ZFHX3: variants seen among roughly 807,000 people sequenced by gnomAD.
The protein encoded by ZFHX3 is zinc finger homeobox protein 3.
A neutral mutation model predicts 279.1 loss-of-function variants in ZFHX3; 42 were observed. The ratio of observed to expected loss-of-function variants is 0.15; its 90% confidence interval spans 0.12 to 0.19. The LOEUF (loss-of-function observed/expected upper bound fraction) is 0.19. Ranked by LOEUF, ZFHX3 falls within the 10% of genes least tolerant of loss-of-function variation. ZFHX3 has a pLI of 1.00. For missense variants in ZFHX3, 4,981 were observed against 4,754.0 expected, an observed-to-expected ratio of 1.05 and a Z score of -1.40; for synonymous variants, 2,293 against 1,957.8, an observed-to-expected ratio of 1.17 and a Z score of -4.52.
chr16:73,808,240 A>G (rs547875860), intron 1 of ZFHX3, among the ~76,000 whole-genome samples: 20 of 151,474 alleles, frequency 1.3e-4, no homozygotes, highest in Non-Finnish European at 2.5e-4. Context: ...TCAAAATAAA[A>G]CAACTTCTTT....
chr16:72,933,545 G>A (rs937815134), intron 3 of ZFHX3, among the ~76,000 whole-genome samples: 1 of 151,948 alleles, frequency 6.6e-6, no homozygotes, highest in Non-Finnish European at 1.5e-5. Flanking sequence ...ATGCTTTGCT[G>A]TCTATTTTAC....
At chr16:73,533,091 G>A (rs528043773) in intron 2 of ZFHX3, among the ~76,000 whole-genome samples, 2 of 152,022 alleles carry the variant, frequency 1.3e-5, no homozygotes, top group Non-Finnish European at 2.9e-5. Flanking sequence ...TCTCAAATGC[G>A]CTGTTACGCT....
At chr16:73,890,223 G>A (rs2030484491) in intron 1 of ZFHX3, among the ~76,000 whole-genome samples, 1 of 130,546 alleles carries the variant, frequency 7.7e-6, no homozygotes. Context: ...GTAATTGTAA[G>A]AGTGTAAAAA....
At chr16:73,739,655 T>C (rs562207178) in intron 1 of ZFHX3, among the ~76,000 whole-genome samples, 3 of 152,132 alleles carry the variant, frequency 2.0e-5, no homozygotes, top group African/African-American at 4.8e-5. Context: ...CTTCTGTCTA[T>C]TGACTATCAG....
At chr16:73,768,103 C>A (rs1417262989) in intron 1 of ZFHX3, among the ~76,000 whole-genome samples, 1 of 152,156 alleles carries the variant, frequency 6.6e-6, no homozygotes, top group African/African-American at 2.4e-5. Context: ...CAACCCTTGG[C>A]CACTTACTGT....
At chr16:72,964,929 G>A (rs1961760350) in intron 1 of ZFHX3, among the ~76,000 whole-genome samples, 1 of 152,162 alleles carries the variant, frequency 6.6e-6, no homozygotes, top group Non-Finnish European at 1.5e-5. Flanking sequence ...CCAGGCTGGA[G>A]TGCAGTGGTG....
At chr16:72,892,607 A>C (rs2038801022) in intron 3 of ZFHX3, among the ~76,000 whole-genome samples, 1 of 151,526 alleles carries the variant, frequency 6.6e-6, no homozygotes, top group Non-Finnish European at 1.5e-5. Flanking sequence ...TCCTGGATTC[A>C]AGCAATTCTC....
intron 1 of ZFHX3, among the ~76,000 whole-genome samples, chr16:73,890,429 C>G (rs773842322): frequency 6.6e-6 from 1 of 152,036 alleles, no homozygotes; most frequent in Non-Finnish European, 1.5e-5. Flanking sequence ...CAATCATTCT[C>G]GTTTGGTTTT....
chr16:72,806,862 G>C (rs2036282827), intron 7 of ZFHX3: 1 of 152,164 alleles, frequency 6.6e-6, no homozygotes, highest in Non-Finnish European at 1.5e-5. Flanking sequence ...GGCTACAGAA[G>C]GTGTTCCTAA....
intron 3 of ZFHX3, among the ~76,000 whole-genome samples, chr16:73,366,983 G>T (rs1293092960): frequency 2.0e-5 from 3 of 152,072 alleles, no homozygotes; most frequent in African/African-American, 7.2e-5. Context: ...TGCGGGCCCA[G>T]GACTTTGCTC....
intron 1 of ZFHX3, among the ~76,000 whole-genome samples, chr16:73,010,024 G>GA (rs10709712): frequency 0.049 from 4,132 of 84,630 alleles, 286 homozygotes; most frequent in East Asian, 0.37. Context: ...CCCTCTCAAA[G>GA]AAAAAAAAAA....
chr16:72,843,903 G>GTA (rs2037412211), intron 4 of ZFHX3, among the ~76,000 whole-genome samples: 2 of 152,076 alleles, frequency 1.3e-5, no homozygotes, highest in Admixed American at 6.5e-5. Flanking sequence ...CTGTTTCCAG[G>GTA]CACCTGGTAC....
At chr16:72,808,349 T>C (rs1049626001) in intron 7 of ZFHX3, among the ~76,000 whole-genome samples, 3 of 152,126 alleles carry the variant, frequency 2.0e-5, no homozygotes, top group Admixed American at 6.5e-5. Context: ...ATTTTTTTTT[T>C]CCTGCTGAAC....
chr16:73,218,446 T>G (rs1190999078), intron 5 of ZFHX3, among the ~76,000 whole-genome samples: 1 of 152,210 alleles, frequency 6.6e-6, no homozygotes, highest in African/African-American at 2.4e-5. Flanking sequence ...ATGCCAGAGC[T>G]TTCTTAAAAT....
At chr16:73,181,235 G>C (rs1300991766) in intron 5 of ZFHX3, among the ~76,000 whole-genome samples, 1 of 152,086 alleles carries the variant, frequency 6.6e-6, no homozygotes, top group Non-Finnish European at 1.5e-5. Flanking sequence ...TGAGTAGCTG[G>C]GATTACAGGC....
At chr16:73,023,909 G>A (rs956805180) in intron 1 of ZFHX3, among the ~76,000 whole-genome samples, 2 of 152,164 alleles carry the variant, frequency 1.3e-5, no homozygotes, top group Non-Finnish European at 2.9e-5. Flanking sequence ...CAGGCTTACG[G>A]GGAGGACACC....
intron 2 of ZFHX3, among the ~76,000 whole-genome samples, chr16:73,637,289 C>T (rs915190779): frequency 2.5e-4 from 36 of 142,160 alleles, no homozygotes; most frequent in Non-Finnish European, 4.5e-4. Context: ...TGCAGTACAA[C>T]GGGGTGATCT....
intron 1 of ZFHX3, among the ~76,000 whole-genome samples, chr16:73,046,678 G>T (rs780086076): frequency 1.3e-5 from 2 of 152,110 alleles, no homozygotes; most frequent in Non-Finnish European, 2.9e-5. Flanking sequence ...TATTTATTTA[G>T]TGACTTGTCT....
intron 3 of ZFHX3, among the ~76,000 whole-genome samples, chr16:73,437,690 A>G (rs1332646894): frequency 6.6e-6 from 1 of 152,190 alleles, no homozygotes; most frequent in African/African-American, 2.4e-5. Context: ...TACATAAATG[A>G]CATAATTATT....
Sources: gnomAD v4.1 joint callset for allele counts (sites outside exome capture counted in the v4.1 genomes callset) on GRCh38, gnomAD v4.1.1 for gene constraint, MANE v1.5 for transcripts, NCBI Gene and HGNC (gene_info 2026-07-23, HGNC 2026-07-21) for gene names.